Variants in CNOT4 observed in about 807,000 individuals in gnomAD.
The protein encoded by CNOT4 is CCR4-associated factor 4.
CNOT4 carries 8 observed loss-of-function variants against 73.8 expected under a neutral mutation model. The observed-to-expected ratio is 0.11, with a 90% CI of 0.06 to 0.20. The LOEUF (loss-of-function observed/expected upper bound fraction) is 0.20, where lower values mean the gene tolerates loss of function less well. Ranked by LOEUF, CNOT4 falls within the 10% of genes least tolerant of loss-of-function variation. CNOT4 has a pLI of 1.00. For synonymous variants in CNOT4, 293 were observed against 321.1 expected, an observed-to-expected ratio of 0.91 and a Z score of 0.94; for missense variants, 564 against 883.4, an observed-to-expected ratio of 0.64 and a Z score of 4.58.
intron 10 of CNOT4, among the ~76,000 whole-genome samples, chr7:135,383,201 T>G (rs1187042205): frequency 6.6e-6 from 1 of 152,174 alleles, no homozygotes; most frequent in Non-Finnish European, 1.5e-5. Context: ...ATGCTTTCCC[T>G]TCATAGGTGG....
chr7:135,410,037 C>A (rs1233737481), intron 7 of CNOT4, among the ~76,000 whole-genome samples: 2 of 152,046 alleles, frequency 1.3e-5, no homozygotes, highest in African/African-American at 4.8e-5. Flanking sequence ...ATATGGGATA[C>A]TCCCTGTTCA....
rs2129482306 is a variant in CNOT4, at chr7:135,363,075, G to A, written c.1952C>T (p.Pro651Leu). 5 of 1,614,116 alleles carry A rather than the reference G, an allele frequency of 3.1e-6. No individual in the cohort carries two copies. Among genetic ancestry groups the A allele is most frequent in the Non-Finnish European group, 4.2e-6 (5 of 1,180,030 alleles). ...LTEMDGPSAA[P>L]SQTHHSAPFS... is the part of the protein sequence containing the mutation. Reference sequence around the variant, plus strand: ...GGGGGCGCTGTGGTGGGTCTGTGATGGAGCAGCGCTGGGGCCGTCCATCTC... The same window carrying A: ...GGGGGCGCTGTGGTGGGTCTGTGATAGAGCAGCGCTGGGGCCGTCCATCTC... Residue 651 changes from proline to leucine, a missense_variant, in exon 12 of 12, where the codon CCA becomes CTA. Pro to Leu is a moderately conservative substitution (Grantham distance 98). This residue lies in a region of CNOT4 where 88 missense variants were observed against 94.7 expected (regional missense o/e 0.93). Coordinates refer to ENST00000541284, the MANE Select transcript of CNOT4 (RefSeq NM_001190850.2). This position sits in a 1 kb window ranked among gnomAD's most constrained non-coding sequence, Gnocchi z 4.3.
Position 135,363,245 on chromosome 7 carries a change from C to T in CNOT4, c.1841-59G>A, listed in dbSNP as rs1027181682. 17 of 1,525,846 alleles carry T rather than the reference C, an allele frequency of 1.1e-5. No homozygotes were observed. Among genetic ancestry groups the T allele is most frequent in the Middle Eastern group, 1.8e-4 (1 of 5,636 alleles). 94.5% of individuals were successfully genotyped at this position (1,525,846 alleles called of 1,614,324 possible). On this transcript the variant is annotated intron_variant, in intron 11 of 11. Transcript: ENST00000541284. This position sits in a 1 kb window ranked among gnomAD's most constrained non-coding sequence, Gnocchi z 4.3. ...TGAGTTTGTGTGGAAAGAATAAGGTCGTCAAACAAATTTAGAAAGCAAAAC... is the reference window on the plus strand; with the variant it reads ...TGAGTTTGTGTGGAAAGAATAAGGTTGTCAAACAAATTTAGAAAGCAAAAC...
intron 1 of CNOT4, among the ~76,000 whole-genome samples, chr7:135,457,528 T>C (rs1800620831): frequency 6.6e-6 from 1 of 152,078 alleles, no homozygotes. Flanking sequence ...GCTCAGCCTA[T>C]TTAAACTTTA....
rs113917381 is a variant in CNOT4, at chr7:135,468,668, G to A, written c.-92-30245C>T. On this transcript the variant is annotated intron_variant, in intron 1 of 11. Transcript: ENST00000541284. Reference sequence around the variant, plus strand: ...TGCACTCCACTCTAGCCTGGGTGACGAGCAAGACTCTGTCTCAAAAAAAAA... The same window carrying A: ...TGCACTCCACTCTAGCCTGGGTGACAAGCAAGACTCTGTCTCAAAAAAAAA... Among the ~76,000 whole-genome samples the A allele has an allele frequency of 4.4e-5, 6 of 136,892 alleles. 1 individual carries two copies. Among genetic ancestry groups the A allele is most frequent in the African/African-American group, 1.1e-4 (4 of 35,982 alleles). 89.8% of individuals were successfully genotyped at this position (136,892 alleles called of 152,430 possible). A position where few individuals can be genotyped will look rare whatever the true frequency, so the allele number is the denominator to read the frequency against.
At chr7:135,378,091 C>T (rs1045391398) in intron 10 of CNOT4, among the ~76,000 whole-genome samples, 2 of 152,040 alleles carry the variant, frequency 1.3e-5, no homozygotes, top group African/African-American at 4.8e-5. Context: ...TGAGTAATGC[C>T]CAAGTTTTAC....
chr7:135,413,465 G>A (rs1359229141), intron 6 of CNOT4, 23 bp downstream of exon 6: 3 of 1,604,104 alleles, frequency 1.9e-6, no homozygotes, highest in East Asian at 2.2e-5. Context: ...CTGCAAAGTT[G>A]ATAATTCACA....
At chr7:135,456,612 A>C (rs945287175) in intron 1 of CNOT4, among the ~76,000 whole-genome samples, 1 of 152,100 alleles carries the variant, frequency 6.6e-6, no homozygotes, top group Admixed American at 6.6e-5. Flanking sequence ...TCCCTTATAT[A>C]AAATGGTTTA....
At chr7:135,458,471 C>A (rs1800680435) in intron 1 of CNOT4, among the ~76,000 whole-genome samples, 1 of 151,912 alleles carries the variant, frequency 6.6e-6, no homozygotes, top group African/African-American at 2.4e-5. Context: ...TTTGCCACAG[C>A]CATTGACTCT....
chr7:135,364,079 C>T lies in CNOT4; in HGVS notation c.1628-13G>A. On this transcript the variant is annotated splice_polypyrimidine_tract_variant and intron_variant, in intron 10 of 11. Coordinates refer to ENST00000541284, the MANE Select transcript of CNOT4 (RefSeq NM_001190850.2). The surrounding 1 kb of genome is among the most constrained non-coding windows in gnomAD (Gnocchi z 4.3). The stretch of plus-strand genomic sequence containing the variant: ...GAACTGCTGTTGTCTGGGAGATTTA[C>T]CAACAAAAAAATGAAAGATAAAAAA... 1 of 1,526,204 alleles carries T rather than the reference C, an allele frequency of 6.6e-7. No homozygotes were observed. The highest frequency in any genetic ancestry group is 1.4e-5 in the African/African-American group (1 of 71,934). 94.5% of individuals were successfully genotyped at this position (1,526,204 alleles called of 1,614,324 possible).
intron 1 of CNOT4, among the ~76,000 whole-genome samples, chr7:135,473,208 C>A (rs1010552841): frequency 3.3e-5 from 5 of 152,008 alleles, no homozygotes; most frequent in Admixed American, 2.6e-4. Flanking sequence ...AATTCAAACT[C>A]CTATATAAGT....
chr7:135,446,726 CACACACACACAG>C (rs1263470453), intron 1 of CNOT4, among the ~76,000 whole-genome samples: 1 of 151,660 alleles, frequency 6.6e-6, no homozygotes, highest in Admixed American at 6.6e-5. Flanking sequence ...CACACAGACA[CACACACACACAG>C]ACACACACAC....
chr7:135,372,998 A>T (rs559697957), intron 10 of CNOT4, among the ~76,000 whole-genome samples: 4 of 152,250 alleles, frequency 2.6e-5, no homozygotes, highest in African/African-American at 9.6e-5. Flanking sequence ...GCAATAATAA[A>T]TAAATCTATA....
At chr7:135,469,232 A>G (rs1033539175) in intron 1 of CNOT4, among the ~76,000 whole-genome samples, 2 of 152,112 alleles carry the variant, frequency 1.3e-5, no homozygotes, top group Non-Finnish European at 2.9e-5. Flanking sequence ...TCTAAGCATA[A>G]GGATCTCTTT....
At chr7:135,501,093 C>T (rs937319953) in intron 1 of CNOT4, among the ~76,000 whole-genome samples, 11 of 150,798 alleles carry the variant, frequency 7.3e-5, no homozygotes, top group African/African-American at 2.7e-4. Context: ...AAGCAATTAT[C>T]CTAGCCTCAG....
chr7:135,468,202 C>T lies in CNOT4; in HGVS notation c.-92-29779G>A, dbSNP rs7784020. Among the ~76,000 whole-genome samples the T allele has an allele frequency of 9.2e-3, 1,393 of 150,890 alleles. 26 individuals are homozygous for T. Among genetic ancestry groups the T allele is most frequent in the African/African-American group, 0.032 (1,326 of 41,080 alleles). On this transcript the variant is annotated intron_variant, in intron 1 of 11. Coordinates refer to ENST00000541284, the MANE Select transcript of CNOT4 (RefSeq NM_001190850.2). ...CTGCACTCCAGCCTGGGCGACAGAG[C>T]GAGACTCTGTCTCAAAAAAATAAAA...
intron 1 of CNOT4, among the ~76,000 whole-genome samples, chr7:135,477,502 A>G (rs1024991470): frequency 6.6e-6 from 1 of 152,216 alleles, no homozygotes; most frequent in Non-Finnish European, 1.5e-5. Flanking sequence ...CAATATATAC[A>G]TAAACATACA....
intron 3 of CNOT4, among the ~76,000 whole-genome samples, chr7:135,420,089 C>G (rs1798099125): frequency 6.6e-6 from 1 of 151,468 alleles, no homozygotes; most frequent in African/African-American, 2.4e-5. Context: ...AGGTAGGAAA[C>G]TTAGAATCCA....
At chr7:135,455,086 T>TG (rs1800438329) in intron 1 of CNOT4, among the ~76,000 whole-genome samples, 1 of 150,996 alleles carries the variant, frequency 6.6e-6, no homozygotes, top group South Asian at 2.1e-4. Flanking sequence ...AGGCCCTGTG[T>TG]GAAAAAAGGA....
Sources: gnomAD v4.1 joint callset for allele counts (sites outside exome capture counted in the v4.1 genomes callset) on GRCh38, gnomAD v4.1.1 for gene constraint, gnomAD v4.1.1 regional missense constraint, Gnocchi (gnomAD v3.1) non-coding constraint, MANE v1.5 for transcripts, NCBI Gene and HGNC (gene_info 2026-07-23, HGNC 2026-07-21) for gene names.